Variants in GPC6 observed in about 807,000 individuals in gnomAD.
GPC6 encodes the protein glypican 6.
Under a neutral mutation model 55.2 loss-of-function variants are expected in GPC6, and 14 were observed. The observed-to-expected ratio is 0.25, with a 90% confidence interval of 0.17 to 0.40. GPC6 has a LOEUF of 0.40. Ranked by LOEUF, GPC6 falls within the 10% of genes least tolerant of loss-of-function variation. The pLI, the probability that GPC6 is intolerant of heterozygous loss-of-function variation, is 1.00. For synonymous variants in GPC6, 278 were observed against 259.6 expected, an observed-to-expected ratio of 1.07 and a Z score of -0.68; for missense variants, 641 against 708.5, an observed-to-expected ratio of 0.90 and a Z score of 1.08.
At chr13:93,837,885 G>C (rs1887798999) in intron 3 of GPC6, among the ~76,000 whole-genome samples, 1 of 152,168 alleles carries the variant, frequency 6.6e-6, no homozygotes, top group Non-Finnish European at 1.5e-5. Context: ...TAACAGAGCA[G>C]AAGTGCAGAG....
intron 2 of GPC6, among the ~76,000 whole-genome samples, chr13:93,798,159 TAAGTCAC>T (rs1173890826): frequency 6.6e-6 from 1 of 152,180 alleles, no homozygotes; most frequent in African/African-American, 2.4e-5. Flanking sequence ...TGTGACTACC[TAAGTCAC>T]ATAATGTCAC....
At chr13:94,017,122 C>A (rs180769495) in intron 3 of GPC6, among the ~76,000 whole-genome samples, 3 of 152,146 alleles carry the variant, frequency 2.0e-5, no homozygotes, top group Admixed American at 1.3e-4. Flanking sequence ...TTTAAGCCAC[C>A]GTGCCTGGCC....
At chr13:94,339,015 TA>T (rs982366767) in intron 6 of GPC6, among the ~76,000 whole-genome samples, 13 of 152,236 alleles carry the variant, frequency 8.5e-5, no homozygotes, top group African/African-American at 3.1e-4. Flanking sequence ...ATCAGTTAGT[TA>T]AAGGCTATTA....
intron 2 of GPC6, among the ~76,000 whole-genome samples, chr13:93,715,478 A>G (rs1566500802): frequency 6.6e-6 from 1 of 151,456 alleles, no homozygotes; most frequent in East Asian, 2.0e-4. Context: ...GGAAGGAGGA[A>G]GGGAGGGAAG....
chr13:94,351,989 G>GA (rs1209493375), intron 6 of GPC6, among the ~76,000 whole-genome samples: 1 of 143,038 alleles, frequency 7.0e-6, no homozygotes, highest in Non-Finnish European at 1.5e-5. Context: ...AAAAGAAAAA[G>GA]AAAAAAAATA....
chr13:93,841,792 G>C (rs892484201), intron 3 of GPC6, among the ~76,000 whole-genome samples: 3 of 152,200 alleles, frequency 2.0e-5, no homozygotes, highest in African/African-American at 4.8e-5. Flanking sequence ...ACAGAGAGCA[G>C]TGGATTTTAT....
chr13:94,012,294 C>T lies in GPC6; in HGVS notation c.712-15435C>T, dbSNP rs1882278581. On this transcript the variant is annotated intron_variant, in intron 3 of 8. Coordinates refer to ENST00000377047, the MANE Select transcript of GPC6 (RefSeq NM_005708.5). ...TTCTTTGAGGCTTTTCAGAAAAGGTCCATGCTGGTACTTTGCAGGGTGAGG... is the reference window on the plus strand; with the variant it reads ...TTCTTTGAGGCTTTTCAGAAAAGGTTCATGCTGGTACTTTGCAGGGTGAGG... Among the ~76,000 whole-genome samples the T allele has an allele frequency of 2.6e-5, 4 of 152,006 alleles. No individual in the cohort carries two copies. The South Asian group carries it at 8.3e-4, about 32-fold the overall frequency.
intron 1 of GPC6, among the ~76,000 whole-genome samples, chr13:93,453,429 A>C (rs1255143900): frequency 6.6e-6 from 1 of 151,980 alleles, no homozygotes; most frequent in Admixed American, 6.6e-5. Context: ...TGTGCACTTT[A>C]CACAAGTTGA....
chr13:93,882,194 G>T (rs974969102), intron 3 of GPC6, among the ~76,000 whole-genome samples: 1 of 149,552 alleles, frequency 6.7e-6, no homozygotes, highest in Non-Finnish European at 1.5e-5. Flanking sequence ...TCACTCTTTC[G>T]CCAAAGCTGG....
At chr13:94,149,319 T>G (rs537249286) in intron 4 of GPC6, among the ~76,000 whole-genome samples, 6 of 152,244 alleles carry the variant, frequency 3.9e-5, no homozygotes, top group Admixed American at 1.3e-4. Context: ...CCAGCTCAGA[T>G]GGCCTGCTTG....
At chr13:94,250,243 A>T (rs980397939) in intron 4 of GPC6, among the ~76,000 whole-genome samples, 2 of 152,206 alleles carry the variant, frequency 1.3e-5, no homozygotes, top group Non-Finnish European at 2.9e-5. Context: ...AGGCAGATTC[A>T]TAAAGGGACA....
chr13:94,168,165 T>C (rs1046797344), intron 4 of GPC6, among the ~76,000 whole-genome samples: 1 of 152,232 alleles, frequency 6.6e-6, no homozygotes, highest in African/African-American at 2.4e-5. Flanking sequence ...CCAAACGTTG[T>C]ACTTGGGTCC....
At position 93,227,881 on chromosome 13, in the gene GPC6, C is replaced by G. The variant is rs1214731229; in HGVS notation, c.160+265C>G. Among the ~76,000 whole-genome samples the G allele has an allele frequency of 6.6e-6, 1 of 152,158 alleles. No individual in the cohort carries two copies. Among genetic ancestry groups the G allele is most frequent in the Non-Finnish European group, 1.5e-5 (1 of 68,020 alleles). On this transcript the variant is annotated intron_variant, in intron 1 of 8. Coordinates refer to ENST00000377047, the MANE Select transcript of GPC6 (RefSeq NM_005708.5). This position sits in a 1 kb window ranked among gnomAD's most constrained non-coding sequence, Gnocchi z 4.3. ...TCCCGCTGCTCTCGCGCCCTTCTACCCCTTAGTTGATGGCTCAGGCCCGGC... is the reference window on the plus strand; with the variant it reads ...TCCCGCTGCTCTCGCGCCCTTCTACGCCTTAGTTGATGGCTCAGGCCCGGC...
intron 6 of GPC6, among the ~76,000 whole-genome samples, chr13:94,326,208 C>CAA (rs1478754635): frequency 3.5e-5 from 4 of 114,008 alleles, no homozygotes. Flanking sequence ...TGCTTGTGCA[C>CAA]ACACACACAC....
chr13:93,375,460 G>C (rs547403116), intron 1 of GPC6, among the ~76,000 whole-genome samples: 2 of 152,272 alleles, frequency 1.3e-5, no homozygotes, highest in South Asian at 4.2e-4. Context: ...CTGTCTAAGT[G>C]GGTCTGGGCC....
At chr13:94,162,167 G>C (rs1317144038) in intron 4 of GPC6, among the ~76,000 whole-genome samples, 2 of 152,058 alleles carry the variant, frequency 1.3e-5, no homozygotes, top group Non-Finnish European at 2.9e-5. Flanking sequence ...TCTCAAAACT[G>C]AGGAGTCAAG....
intron 1 of GPC6, among the ~76,000 whole-genome samples, chr13:93,264,399 CTTTA>C (rs1169390689): frequency 2.0e-5 from 3 of 152,014 alleles, no homozygotes; most frequent in Non-Finnish European, 4.4e-5. Flanking sequence ...CTCCCATATA[CTTTA>C]TTTATGAATT....
At chr13:93,475,893 A>G (rs919266470) in intron 1 of GPC6, among the ~76,000 whole-genome samples, 5 of 152,160 alleles carry the variant, frequency 3.3e-5, no homozygotes, top group African/African-American at 1.2e-4. Context: ...TTTCTGTTGT[A>G]TAATTCATGA....
intron 1 of GPC6, among the ~76,000 whole-genome samples, chr13:93,476,985 T>C (rs1879324497): frequency 6.6e-6 from 1 of 152,124 alleles, no homozygotes; most frequent in Admixed American, 6.5e-5. Context: ...TATAATCCAC[T>C]TTCTAAATGA....
Sources: gnomAD v4.1 joint callset for allele counts (sites outside exome capture counted in the v4.1 genomes callset) on GRCh38, gnomAD v4.1.1 for gene constraint, Gnocchi (gnomAD v3.1) non-coding constraint, MANE v1.5 for transcripts, NCBI Gene and HGNC (gene_info 2026-07-23, HGNC 2026-07-21) for gene names.